NOX4: variants seen among roughly 807,000 people sequenced by gnomAD.
The protein encoded by NOX4 is NADPH oxidase 4, also known as kidney oxidase-1.
A neutral mutation model predicts 87.6 loss-of-function variants in NOX4; 69 were observed. That is an observed-to-expected ratio of 0.79 (90% confidence interval 0.65 to 0.96). The LOEUF (loss-of-function observed/expected upper bound fraction) is 0.96, where lower values mean the gene tolerates loss of function less well. NOX4 is among the 40% of genes least tolerant of loss of function. The pLI, the probability that NOX4 is intolerant of heterozygous loss-of-function variation, is 0.00. For missense variants in NOX4, 680 were observed against 681.5 expected, an observed-to-expected ratio of 1.00 and a Z score of 0.02; for synonymous variants, 275 against 238.2, an observed-to-expected ratio of 1.15 and a Z score of -1.42.
At chr11:89,413,432 T>C (rs1368924086) in intron 8 of NOX4, among the ~76,000 whole-genome samples, 1 of 152,166 alleles carries the variant, frequency 6.6e-6, no homozygotes, top group African/African-American at 2.4e-5. Context: ...GCAACCTAAG[T>C]GTCCATCAAC....
intron 6 of NOX4, among the ~76,000 whole-genome samples, chr11:89,438,957 AATAATAT>A (rs1178458121): frequency 6.9e-4 from 61 of 88,746 alleles, no homozygotes; most frequent in African/African-American, 2.3e-3. Context: ...TTTTATATAT[AATAATAT>A]ATAATATATA....
At chr11:89,460,766 TAG>T (rs1196190578) in intron 2 of NOX4, among the ~76,000 whole-genome samples, 5 of 152,196 alleles carry the variant, frequency 3.3e-5, no homozygotes, top group Non-Finnish European at 7.3e-5. Context: ...CTCAGGGATC[TAG>T]AACTAGAAAT....
upstream of NOX4, among the ~76,000 whole-genome samples, chr11:89,492,842 A>C (rs1204209977): frequency 6.6e-6 from 1 of 152,204 alleles, no homozygotes; most frequent in Non-Finnish European, 1.5e-5. Context: ...TCATTGGCAG[A>C]ATAGGTTCTT....
intron 3 of NOX4, among the ~76,000 whole-genome samples, chr11:89,450,693 G>C (rs1002725533): frequency 1.3e-5 from 2 of 151,030 alleles, no homozygotes; most frequent in African/African-American, 2.4e-5. Context: ...TTTAGCATTA[G>C]GTATATCTCC....
chr11:89,584,802 G>C, the NOX4 span, among the ~76,000 whole-genome samples: 1 of 151,958 alleles, frequency 6.6e-6, no homozygotes, highest in Admixed American at 6.6e-5. Context: ...TACATATATT[G>C]ATATATATTT....
chr11:89,517,343 A>C, the NOX4 span, among the ~76,000 whole-genome samples: 1 of 152,050 alleles, frequency 6.6e-6, no homozygotes, highest in Non-Finnish European at 1.5e-5. Flanking sequence ...TATTTGGTTG[A>C]CCGCTCATCA....
chr11:89,537,408 T>C, the NOX4 span, among the ~76,000 whole-genome samples: 1 of 151,552 alleles, frequency 6.6e-6, no homozygotes, highest in Non-Finnish European at 1.5e-5. Context: ...TGTATAGTTA[T>C]ATATACATAT....
the NOX4 span, among the ~76,000 whole-genome samples, chr11:89,517,696 T>C: frequency 6.6e-6 from 1 of 151,916 alleles, no homozygotes; most frequent in African/African-American, 2.4e-5. Context: ...TTACCCATGC[T>C]GGTCTCAAAC....
the NOX4 span, among the ~76,000 whole-genome samples, chr11:89,560,598 A>G: frequency 6.6e-6 from 1 of 151,972 alleles, no homozygotes; most frequent in African/African-American, 2.4e-5. Context: ...TGAATGGGGA[A>G]AGATCTGCCC....
At chr11:89,420,623 C>A (rs1229295626) in intron 8 of NOX4, among the ~76,000 whole-genome samples, 1 of 151,996 alleles carries the variant, frequency 6.6e-6, no homozygotes, top group Non-Finnish European at 1.5e-5. Context: ...AAAGCCAAAG[C>A]AACAGTTTGA....
In NOX4 at chr11:89,373,440, T is replaced by C; in HGVS notation, c.1127A>G (p.Asp376Gly). ...TFGVHLKIVG[D>G]WTERFRDLLL... The stretch of plus-strand genomic sequence containing the variant: ...CTGTATGTTCTACATACCTGTCCAG[T>C]CTCCTACTATTTTAAGATGAACCCC... The change falls in exon 12 of 18, where the codon GAC (aspartate) becomes GGC (glycine). Residue 376 changes from aspartate to glycine, a missense_variant. Coordinates refer to ENST00000263317, the MANE Select transcript of NOX4 (RefSeq NM_016931.5). 6.3e-7 allele frequency: 1 copy of C among 1,583,846 alleles called. No homozygotes were observed. The highest frequency in any genetic ancestry group is 8.7e-7 in the Non-Finnish European group (1 of 1,153,680).
At chr11:89,569,725 C>T in the NOX4 span, among the ~76,000 whole-genome samples, 4 of 152,070 alleles carry the variant, frequency 2.6e-5, no homozygotes, top group African/African-American at 4.8e-5. Flanking sequence ...ATGTTCTGGC[C>T]GGGTGCAGTG....
At chr11:89,546,350 G>T in the NOX4 span, among the ~76,000 whole-genome samples, 2 of 152,100 alleles carry the variant, frequency 1.3e-5, no homozygotes, top group African/African-American at 4.8e-5. Flanking sequence ...TCCTAAGTGG[G>T]ATCTAAGCCT....
intron 7 of NOX4, among the ~76,000 whole-genome samples, chr11:89,423,616 A>G (rs951782654): frequency 6.6e-6 from 1 of 152,168 alleles, no homozygotes; most frequent in Non-Finnish European, 1.5e-5. Context: ...AGTAAGGCAC[A>G]TCCCTCCTTT....
chr11:89,373,504 T>C lies in NOX4; in HGVS notation c.1075-12A>G, dbSNP rs748926537. On this transcript the variant is annotated splice_polypyrimidine_tract_variant and intron_variant, in intron 11 of 17. Transcript: ENST00000263317. ...GTTTCAGTTGGACACTAAAAAAAAATACTAGAATCAATTGTGATTAATAAT... is the reference window on the plus strand; with the variant it reads ...GTTTCAGTTGGACACTAAAAAAAAACACTAGAATCAATTGTGATTAATAAT... 6.7e-7 allele frequency: 1 copy of C among 1,494,670 alleles called. No homozygotes were observed. Among genetic ancestry groups the C allele is most frequent in the Non-Finnish European group, 9.3e-7 (1 of 1,074,678 alleles). The allele number at this position is 1,494,670 out of a possible 1,614,324, so 92.6% of individuals were successfully genotyped here.
chr11:89,415,532 C>A (rs1942717534), intron 8 of NOX4, among the ~76,000 whole-genome samples: 1 of 152,052 alleles, frequency 6.6e-6, no homozygotes. Context: ...TTTACGGTAT[C>A]TAATGAAAGT....
the NOX4 span, among the ~76,000 whole-genome samples, chr11:89,561,173 C>G: frequency 6.8e-6 from 1 of 146,708 alleles, no homozygotes; most frequent in Non-Finnish European, 1.5e-5. Flanking sequence ...TTGTTCTAGC[C>G]TATCCATAGT....
chr11:89,377,079 G>A (rs1939902170), intron 11 of NOX4, among the ~76,000 whole-genome samples: 2 of 151,774 alleles, frequency 1.3e-5, no homozygotes, highest in Non-Finnish European at 2.9e-5. Flanking sequence ...ATAAATACAC[G>A]CATAAAAAAT....
At chr11:89,549,180 A>T in the NOX4 span, among the ~76,000 whole-genome samples, 4 of 152,172 alleles carry the variant, frequency 2.6e-5, no homozygotes, top group Non-Finnish European at 5.9e-5. Context: ...GATTTTTTAG[A>T]TTATTTACTA....
Sources: allele counts gnomAD v4.1 joint callset (sites outside exome capture counted in the v4.1 genomes callset), GRCh38; gene constraint gnomAD v4.1.1; transcripts MANE v1.5; gene names NCBI Gene and HGNC (gene_info 2026-07-23, HGNC 2026-07-21).